Variants in NUTM2E observed in about 807,000 individuals in gnomAD.
The protein encoded by NUTM2E is family with sequence similarity 22, member E.
In NUTM2E, 3 loss-of-function variants were observed where a neutral mutation model predicts 26.1. The ratio of observed to expected loss-of-function variants is 0.12; its 90% CI spans 0.05 to 0.30. The LOEUF (loss-of-function observed/expected upper bound fraction) is 0.30. Ranked by LOEUF, NUTM2E falls within the 10% of genes least tolerant of loss-of-function variation. The pLI, the probability that NUTM2E is intolerant of heterozygous loss-of-function variation, is 1.00. For missense variants in NUTM2E, 62 were observed against 381.3 expected (o/e 0.16, Z 6.97); for synonymous variants, 13 against 157.5 (o/e 0.08, Z 6.87).
intron 1 of NUTM2E, among the ~76,000 whole-genome samples, chr10:79,831,666 A>C (rs990535987): frequency 6.6e-6 from 1 of 151,870 alleles, no homozygotes; most frequent in Non-Finnish European, 1.5e-5. Context: ...TTTTAGATTC[A>C]TTCTACCATT....
intron 9 of NUTM2E, 76 bp downstream of exon 9, chr10:79,849,563 C>T: frequency 3.0e-6 from 1 of 336,100 alleles, no homozygotes; most frequent in Non-Finnish European, 5.5e-6. Flanking sequence ...GGATGCTCGG[C>T]TTCTTGGGGA....
Position 79,826,747 on chromosome 10 carries a change from C to T in NUTM2E, c.-3338C>T, listed in dbSNP as rs1841882565. Reference sequence around the variant, plus strand: ...TATCGGGGGAAAGCCGCGAGAAGGCCAGCGTCCCTCGCTGGGAGCAGAGCT... The same window carrying T: ...TATCGGGGGAAAGCCGCGAGAAGGCTAGCGTCCCTCGCTGGGAGCAGAGCT... On this transcript the variant is annotated 5_prime_UTR_variant, in exon 1 of 10. Coordinates refer to ENST00000429984, the MANE Select transcript of NUTM2E (RefSeq NM_001355263.2). 1.3e-5 allele frequency: 2 copies of T among 156,188 alleles called. No individual in the cohort carries two copies. Among genetic ancestry groups the T allele is most frequent in the South Asian group, 2.0e-4 (1 of 4,900 alleles). 9.7% of individuals were successfully genotyped at this position (156,188 alleles called of 1,614,324 possible). A position where few individuals can be genotyped will look rare whatever the true frequency, so the allele number is the denominator to read the frequency against.
chr10:79,838,647 G>A (rs1841979186), intron 2 of NUTM2E, among the ~76,000 whole-genome samples, 61 bp downstream of exon 2: 3 of 151,172 alleles, frequency 2.0e-5, no homozygotes, highest in Admixed American at 2.0e-4. Flanking sequence ...GGAAAGCTAT[G>A]AACGCTTCCG....
intron 4 of NUTM2E, among the ~76,000 whole-genome samples, chr10:79,843,661 G>GT (rs1456009704): frequency 1.5e-5 from 1 of 67,246 alleles, no homozygotes; most frequent in Non-Finnish European, 3.6e-5. Flanking sequence ...TTTTGTTTTG[G>GT]TATGTCTGAG....
chr10:79,839,470 C>G lies in NUTM2E; in HGVS notation c.-2113-158C>G, dbSNP rs879136336. ...ATTTCAGTCGATAAAGCAGCAGATA[C>G]TAAGGGAACAATTCCACGCTCCCCA... On this transcript the variant is annotated intron_variant, in intron 3 of 9. Coordinates refer to ENST00000429984, the MANE Select transcript of NUTM2E (RefSeq NM_001355263.2). 4.0e-3 allele frequency among the ~76,000 whole-genome samples: 604 copies of G among 150,698 alleles called. 6 individuals carry two copies. The highest frequency in any genetic ancestry group is 0.012 in the African/African-American group (504 of 40,682).
At chr10:79,834,313 G>A (rs924360718) in intron 1 of NUTM2E, among the ~76,000 whole-genome samples, 1 of 151,668 alleles carries the variant, frequency 6.6e-6, no homozygotes, top group Admixed American at 6.6e-5. Flanking sequence ...TATGTAACAA[G>A]CCTGCATCTT....
intron 1 of NUTM2E, among the ~76,000 whole-genome samples, chr10:79,827,939 A>G (rs900606261): frequency 7.9e-5 from 12 of 150,996 alleles, no homozygotes; most frequent in African/African-American, 2.9e-4. Context: ...GATTACAGGC[A>G]TGCACCACCG....
Position 79,850,305 on chromosome 10 carries a change from GC to G in NUTM2E, c.2339del (p.Pro780LeufsTer31). 1 of 767,236 alleles carries G rather than the reference GC, an allele frequency of 1.3e-6. No individual in the cohort carries two copies. The allele number at this position is 767,236 out of a possible 1,614,324, so 47.5% of individuals were successfully genotyped here. A position where few individuals can be genotyped will look rare whatever the true frequency, so the allele number is the denominator to read the frequency against. On this transcript the variant is annotated frameshift_variant, in exon 10 of 10. Coordinates refer to ENST00000429984, the MANE Select transcript of NUTM2E (RefSeq NM_001355263.2). LOFTEE classifies it high-confidence loss of function. ...HKLLPWWLPQSPVPASGLLSP... is the reference protein window; with the variant it reads ...HKLLPWWLPQXPVPASGLLSP... ...CTTCTGCCCTGGTGGCTACCCCAGAGCCCTGTCCCTGCCTCGGGCCTTCTCA... is the reference window on the plus strand; with the variant it reads ...CTTCTGCCCTGGTGGCTACCCCAGAGCCTGTCCCTGCCTCGGGCCTTCTCA...
chr10:79,828,023 G>A (rs1375112611), intron 1 of NUTM2E, among the ~76,000 whole-genome samples: 9 of 151,286 alleles, frequency 5.9e-5, no homozygotes, highest in Admixed American at 2.6e-4. Flanking sequence ...GCAAACTCCC[G>A]ACCTTAGGTG....
intron 1 of NUTM2E, among the ~76,000 whole-genome samples, chr10:79,837,364 C>T (rs960706694): frequency 2.6e-5 from 4 of 152,024 alleles, no homozygotes; most frequent in African/African-American, 9.7e-5. Context: ...ATAAAGCTGT[C>T]TTTAAATAGG....
At chr10:79,843,230 T>C (rs975033497) in intron 4 of NUTM2E, among the ~76,000 whole-genome samples, 3 of 113,712 alleles carry the variant, frequency 2.6e-5, no homozygotes, top group African/African-American at 1.0e-4. Context: ...TGGTTTTTGG[T>C]TGGTCACTAT....
intron 1 of NUTM2E, among the ~76,000 whole-genome samples, chr10:79,830,531 A>T (rs1841921166): frequency 6.6e-6 from 1 of 151,828 alleles, no homozygotes. Context: ...TAATAATTCC[A>T]TTCATGCATT....
intron 1 of NUTM2E, among the ~76,000 whole-genome samples, chr10:79,829,390 A>G (rs1198691208): frequency 2.0e-5 from 3 of 151,772 alleles, no homozygotes; most frequent in Non-Finnish European, 4.4e-5. Context: ...CTTAATCTTA[A>G]GTAGTAAATG....
intron 1 of NUTM2E, among the ~76,000 whole-genome samples, chr10:79,834,344 TATC>T (rs1316783470): frequency 1.3e-5 from 2 of 151,786 alleles, no homozygotes; most frequent in Non-Finnish European, 2.9e-5. Flanking sequence ...ATAACTTAAG[TATC>T]ATAAAAAGAA....
intron 1 of NUTM2E, among the ~76,000 whole-genome samples, chr10:79,827,807 T>TG (rs1841897325): frequency 9.7e-6 from 1 of 103,264 alleles, no homozygotes; most frequent in African/African-American, 3.7e-5. Context: ...TTTTTTTTTT[T>TG]TGTTTTTTTT....
At chr10:79,827,386 G>T (rs965147601) in intron 1 of NUTM2E, 29 bp downstream of exon 1, 2 of 151,936 alleles carry the variant, frequency 1.3e-5, no homozygotes, top group African/African-American at 4.8e-5. Flanking sequence ...ACTGATTTTT[G>T]ATAACATTTG....
At chr10:79,833,481 T>C (rs903419748) in intron 1 of NUTM2E, among the ~76,000 whole-genome samples, 90 of 151,238 alleles carry the variant, frequency 6.0e-4, no homozygotes, top group Admixed American at 1.3e-3. Context: ...AGGACTAATA[T>C]CCAGAGTTTA....
rs1489762508 is a variant in NUTM2E at position 79,827,360 on chromosome 10, AAATTT to A, written c.-2728+9_-2728+13del. On this transcript the variant is annotated splice_donor_5th_base_variant and intron_variant, in intron 1 of 9. Transcript: ENST00000429984. ...ACTTTTTTGAAAGAAATTTGGGGGTAAATTTAATTTTAAATACTGATTTTTGATAA... is the reference window on the plus strand; with the variant it reads ...ACTTTTTTGAAAGAAATTTGGGGGTAAATTTTAAATACTGATTTTTGATAA... The A allele has an allele frequency of 2.0e-5, 3 of 152,574 alleles. No homozygotes were observed. Among genetic ancestry groups the A allele is most frequent in the African/African-American group, 7.2e-5 (3 of 41,388 alleles). The allele number at this position is 152,574 out of a possible 1,614,324, so 9.5% of individuals were successfully genotyped here.
In NUTM2E at chr10:79,839,683, G is replaced by T. The variant is rs1424338810; in HGVS notation, c.-2058G>T. 6.6e-6 allele frequency among the ~76,000 whole-genome samples: 1 copy of T among 151,944 alleles called. No individual in the cohort carries two copies. The highest frequency in any genetic ancestry group is 1.5e-5 in the Non-Finnish European group (1 of 67,992). On this transcript the variant is annotated 5_prime_UTR_variant, in exon 4 of 10. The change creates a new upstream start codon in the 5' untranslated region. Coordinates refer to ENST00000429984, the MANE Select transcript of NUTM2E (RefSeq NM_001355263.2). The stretch of plus-strand genomic sequence containing the variant: ...ACTGAAGAGCCTTCACATTGATGCA[G>T]GCCCAGGGCCTCAAGTGCAGAGTCT...
Sources: gnomAD v4.1 joint callset for allele counts (sites outside exome capture counted in the v4.1 genomes callset) on GRCh38, gnomAD v4.1.1 for gene constraint, MANE v1.5 for transcripts, NCBI Gene and HGNC (gene_info 2026-07-23, HGNC 2026-07-21) for gene names.